The following ADGRL2 variants were observed in gnomAD, a reference collection of about 807,000 sequenced individuals.
ADGRL2 encodes calcium-independent alpha-latrotoxin receptor 2.
Under a neutral mutation model 157.4 loss-of-function variants are expected in ADGRL2, and 44 were observed. The observed-to-expected ratio is 0.28, with a 90% CI of 0.22 to 0.36. The LOEUF (loss-of-function observed/expected upper bound fraction) is 0.36. ADGRL2 is among the 10% of genes least tolerant of loss of function. ADGRL2 has a pLI of 1.00. For missense variants in ADGRL2, 1,510 were observed against 1,768.9 expected (o/e 0.85, Z 2.63); for synonymous variants, 585 against 624.7 (o/e 0.94, Z 0.95).
chr1:81,420,846 G>A (rs1389693592), intron 1 of ADGRL2, among the ~76,000 whole-genome samples: 2 of 152,126 alleles, frequency 1.3e-5, no homozygotes, highest in Non-Finnish European at 2.9e-5. Flanking sequence ...TCAGGGTTAT[G>A]AAAGATGAAC....
intron 1 of ADGRL2, among the ~76,000 whole-genome samples, chr1:81,734,315 A>G (rs1295750507): frequency 6.6e-6 from 1 of 151,836 alleles, no homozygotes; most frequent in Non-Finnish European, 1.5e-5. Flanking sequence ...TCTTTAAATA[A>G]AATTTTTAAT....
intron 2 of ADGRL2, among the ~76,000 whole-genome samples, chr1:81,768,972 C>A (rs1422352504): frequency 6.6e-6 from 1 of 152,096 alleles, no homozygotes; most frequent in Non-Finnish European, 1.5e-5. Flanking sequence ...GTAATCCCAA[C>A]TACTTGGGAG....
At chr1:81,332,242 A>G (rs1055299184) in intron 1 of ADGRL2, among the ~76,000 whole-genome samples, 1 of 152,198 alleles carries the variant, frequency 6.6e-6, no homozygotes, top group Non-Finnish European at 1.5e-5. Context: ...ATCAAAATAA[A>G]TATATGTACT....
intron 2 of ADGRL2, among the ~76,000 whole-genome samples, chr1:81,839,414 G>A (rs978060267): frequency 7.2e-5 from 11 of 151,870 alleles, no homozygotes; most frequent in African/African-American, 2.2e-4. Flanking sequence ...AGTTATTTGG[G>A]CACAGGTGGT....
At chr1:81,862,985 G>A (rs545126279) in intron 2 of ADGRL2, among the ~76,000 whole-genome samples, 25 of 152,250 alleles carry the variant, frequency 1.6e-4, no homozygotes, top group African/African-American at 6.0e-4. Context: ...AAACACTGAA[G>A]GCTGAGAATC....
chr1:81,881,300 C>G (rs1207367222), intron 2 of ADGRL2, among the ~76,000 whole-genome samples: 1 of 152,150 alleles, frequency 6.6e-6, no homozygotes, highest in South Asian at 2.1e-4. Flanking sequence ...CTCAGCCTCC[C>G]GAGTAGCTGA....
intron 1 of ADGRL2, among the ~76,000 whole-genome samples, chr1:81,716,996 T>C (rs1260743843): frequency 6.6e-6 from 1 of 152,238 alleles, no homozygotes; most frequent in African/African-American, 2.4e-5. Flanking sequence ...ATGAGGCTTA[T>C]ATGGGATACT....
chr1:81,841,363 G>C (rs2092571371), intron 2 of ADGRL2, among the ~76,000 whole-genome samples: 1 of 151,944 alleles, frequency 6.6e-6, no homozygotes, highest in South Asian at 2.1e-4. Flanking sequence ...ATAATGACTT[G>C]AGTTAATGTT....
At chr1:81,757,326 T>C (rs923972291) in intron 1 of ADGRL2, among the ~76,000 whole-genome samples, 6 of 152,184 alleles carry the variant, frequency 3.9e-5, no homozygotes, top group Admixed American at 1.3e-4. Context: ...AAACTAAATA[T>C]GGCCTGAGAG....
At chr1:81,621,021 T>C (rs927206716) in intron 3 of ADGRL2, among the ~76,000 whole-genome samples, 3 of 151,992 alleles carry the variant, frequency 2.0e-5, no homozygotes, top group African/African-American at 4.8e-5. Flanking sequence ...TCAACAGGAG[T>C]GCGGCAGGAG....
chr1:81,372,740 C>A (rs2076182578), intron 1 of ADGRL2, among the ~76,000 whole-genome samples: 1 of 152,062 alleles, frequency 6.6e-6, no homozygotes, highest in African/African-American at 2.4e-5. Flanking sequence ...GAGAATTTTC[C>A]TTTCTGTAAT....
At chr1:81,449,935 C>G (rs896299896) in intron 2 of ADGRL2, among the ~76,000 whole-genome samples, 3 of 152,130 alleles carry the variant, frequency 2.0e-5, no homozygotes, top group African/African-American at 7.2e-5. Flanking sequence ...GTGTGCAAAG[C>G]TCAATGAGTA....
At chr1:81,713,920 G>T (rs1570929726) in intron 1 of ADGRL2, among the ~76,000 whole-genome samples, 1 of 152,132 alleles carries the variant, frequency 6.6e-6, no homozygotes, top group African/African-American at 2.4e-5. Context: ...AAGAAAAAAA[G>T]GTTTAATGGT....
At chr1:81,821,992 C>T (rs1337060879) in intron 1 of ADGRL2, among the ~76,000 whole-genome samples, 1 of 147,268 alleles carries the variant, frequency 6.8e-6, no homozygotes, top group Non-Finnish European at 1.5e-5. Flanking sequence ...AAGAAATAAC[C>T]TGCAATGCTG....
intron 2 of ADGRL2, among the ~76,000 whole-genome samples, chr1:81,481,661 T>C (rs1308801642): frequency 6.6e-6 from 1 of 152,172 alleles, no homozygotes; most frequent in African/African-American, 2.4e-5. Flanking sequence ...GGCACATAGC[T>C]AAATAAGGTG....
rs377599981 is a variant in ADGRL2 at position 81,787,385 on chromosome 1, T to TG, written c.-101+25535dup. ...CAAGTCACATAAAAATGGCTGGGTG[T>TG]GGTGGCTCATGCCTGTAATCCCAGC... On this transcript the variant is annotated intron_variant, in intron 2 of 20. Transcript: ENST00000359929. Among the ~76,000 whole-genome samples, 226 of 152,158 alleles carry TG rather than the reference T, an allele frequency of 1.5e-3. 1 individual carries two copies. The highest frequency in any genetic ancestry group is 5.2e-3 in the African/African-American group (217 of 41,544).
At chr1:81,819,366 G>T (rs1571414971) in intron 1 of ADGRL2, among the ~76,000 whole-genome samples, 1 of 152,060 alleles carries the variant, frequency 6.6e-6, no homozygotes, top group Non-Finnish European at 1.5e-5. Context: ...AAGGGAGAAG[G>T]AATGAGCCCA....
chr1:81,875,564 T>C (rs980770283), intron 2 of ADGRL2, among the ~76,000 whole-genome samples: 15 of 152,204 alleles, frequency 9.9e-5, no homozygotes, highest in Admixed American at 8.5e-4. Flanking sequence ...TGCACCATAT[T>C]GTGACCAGAT....
intron 2 of ADGRL2, among the ~76,000 whole-genome samples, chr1:81,875,833 CAG>C (rs1393689787): frequency 6.6e-6 from 1 of 152,028 alleles, no homozygotes; most frequent in Non-Finnish European, 1.5e-5. Flanking sequence ...CAAAATGTTC[CAG>C]AGAGGTACAT....
Sources: gnomAD v4.1 joint callset for allele counts (sites outside exome capture counted in the v4.1 genomes callset) on GRCh38, gnomAD v4.1.1 for gene constraint, MANE v1.5 for transcripts, NCBI Gene and HGNC (gene_info 2026-07-23, HGNC 2026-07-21) for gene names.